The following THSD4 variants were observed in gnomAD, a reference collection of about 807,000 sequenced individuals.
THSD4 encodes the protein thrombospondin type 1 domain containing 4.
THSD4 carries 69 observed loss-of-function variants against 119.0 expected under a neutral mutation model. That is an observed-to-expected ratio of 0.58 (90% CI 0.48 to 0.71). The LOEUF (loss-of-function observed/expected upper bound fraction) is 0.71, where lower values mean the gene tolerates loss of function less well. THSD4 is among the 30% of genes least tolerant of loss of function. THSD4 has a pLI of 0.00. For synonymous variants in THSD4, 524 were observed against 540.4 expected (o/e 0.97, Z 0.42); for missense variants, 1,393 against 1,391.1 (o/e 1.00, Z -0.02).
intron 3 of THSD4, among the ~76,000 whole-genome samples, chr15:71,200,430 G>A (rs555855533): frequency 1.2e-4 from 18 of 152,172 alleles, no homozygotes; most frequent in East Asian, 1.9e-4. Context: ...TATTATGGCC[G>A]AGGACCCTGA....
chr15:71,683,932 C>G (rs1472765744), intron 8 of THSD4, among the ~76,000 whole-genome samples: 3 of 152,138 alleles, frequency 2.0e-5, no homozygotes, highest in Non-Finnish European at 2.9e-5. Context: ...CAAGATCACA[C>G]CACTGCACTC....
At chr15:71,394,145 T>C (rs1189679232) in intron 6 of THSD4, among the ~76,000 whole-genome samples, 1 of 151,978 alleles carries the variant, frequency 6.6e-6, no homozygotes, top group Admixed American at 6.6e-5. Flanking sequence ...ATCTGAGATA[T>C]TTAACTGAGC....
chr15:71,217,943 C>G (rs1011372946), intron 4 of THSD4, among the ~76,000 whole-genome samples: 1 of 151,908 alleles, frequency 6.6e-6, no homozygotes, highest in Admixed American at 6.6e-5. Flanking sequence ...TGTACCACCA[C>G]GCCTAGCTAA....
chr15:71,180,393 G>T (rs974169857), intron 3 of THSD4, among the ~76,000 whole-genome samples: 9 of 152,118 alleles, frequency 5.9e-5, no homozygotes, highest in Admixed American at 3.3e-4. Flanking sequence ...CACATTAAAA[G>T]ATGCTCAATG....
At chr15:71,378,677 C>T (rs2046183896) in intron 6 of THSD4, among the ~76,000 whole-genome samples, 1 of 152,164 alleles carries the variant, frequency 6.6e-6, no homozygotes, top group Non-Finnish European at 1.5e-5. Flanking sequence ...AAATATTAGC[C>T]ATAATTAAAG....
chr15:71,174,216 C>T (rs2043416671), intron 3 of THSD4, among the ~76,000 whole-genome samples: 1 of 152,164 alleles, frequency 6.6e-6, no homozygotes, highest in Non-Finnish European at 1.5e-5. Context: ...CGGGTGATTT[C>T]TGCATTTCCA....
At chr15:71,222,480 GC>G (rs917217252) in intron 4 of THSD4, among the ~76,000 whole-genome samples, 14 of 152,172 alleles carry the variant, frequency 9.2e-5, no homozygotes, top group African/African-American at 3.4e-4. Context: ...ATGAATTTGA[GC>G]CAAGCAGTGC....
chr15:71,341,073 G>T, intron 6 of THSD4: 1 of 976,638 alleles, frequency 1.0e-6, no homozygotes, highest in Non-Finnish European at 1.6e-6. Context: ...TTGTTGCCTT[G>T]CCTTTTCTTT....
intron 6 of THSD4, among the ~76,000 whole-genome samples, chr15:71,320,556 C>T (rs537141887): frequency 3.3e-5 from 5 of 152,228 alleles, no homozygotes; most frequent in African/African-American, 4.8e-5. Context: ...ACATAGCCCA[C>T]GTTAGATTGG....
chr15:71,774,310 C>CAA (rs11448201), intron 17 of THSD4, among the ~76,000 whole-genome samples: 3,742 of 73,722 alleles, frequency 0.051, 101 homozygotes, highest in Admixed American at 0.092. Context: ...GACTCTGTCT[C>CAA]AAAAAAAAAA....
intron 7 of THSD4, among the ~76,000 whole-genome samples, chr15:71,534,500 C>T (rs1289346726): frequency 2.0e-5 from 3 of 152,132 alleles, no homozygotes; most frequent in Non-Finnish European, 4.4e-5. Context: ...TGGTCATTCC[C>T]ATTTTTATCA....
chr15:71,535,726 A>C (rs2048680984), intron 7 of THSD4, among the ~76,000 whole-genome samples: 2 of 152,132 alleles, frequency 1.3e-5, no homozygotes, highest in Non-Finnish European at 2.9e-5. Context: ...GACCATTTGT[A>C]TGTTTTTTCC....
chr15:71,231,498 G>C (rs2044061289), intron 4 of THSD4, among the ~76,000 whole-genome samples: 1 of 152,124 alleles, frequency 6.6e-6, no homozygotes, highest in South Asian at 2.1e-4. Context: ...CTTGACTTCT[G>C]GAAGAGCTCC....
chr15:71,714,675 T>C (rs2052573500), intron 8 of THSD4, among the ~76,000 whole-genome samples: 1 of 152,012 alleles, frequency 6.6e-6, no homozygotes, highest in South Asian at 2.1e-4. Flanking sequence ...GGTGAAACCC[T>C]GTCTCTCCTA....
At chr15:71,388,903 A>G (rs538726392) in intron 6 of THSD4, among the ~76,000 whole-genome samples, 1 of 152,230 alleles carries the variant, frequency 6.6e-6, no homozygotes, top group African/African-American at 2.4e-5. Context: ...GGTGGGAGAT[A>G]ATTGAGTCAT....
At chr15:71,633,834 A>G (rs1237593433) in intron 7 of THSD4, among the ~76,000 whole-genome samples, 46 of 152,200 alleles carry the variant, frequency 3.0e-4, no homozygotes, top group Non-Finnish European at 1.5e-5. Flanking sequence ...TCCACTGCTT[A>G]CCAGACTCCC....
rs114019104 is a variant in THSD4 at position 71,736,372 on chromosome 15, T to G, written c.1631-1360T>G. On this transcript the variant is annotated intron_variant, in intron 10 of 17. Transcript: ENST00000261862. ...CTGTCTTGCTCTCTTGCTCTCTGTT[T>G]CTGTCTCTCTCGCACTCTGTCTCTC... is the stretch of plus-strand genomic sequence containing the variant. Among the ~76,000 whole-genome samples the G allele has an allele frequency of 8.8e-3, 1,345 of 152,002 alleles. 27 individuals carry two copies. Among genetic ancestry groups the G allele is most frequent in the African/African-American group, 0.031 (1,286 of 41,436 alleles).
intron 8 of THSD4, among the ~76,000 whole-genome samples, chr15:71,675,530 C>A (rs1266812898): frequency 6.6e-6 from 1 of 152,168 alleles, no homozygotes; most frequent in Non-Finnish European, 1.5e-5. Context: ...TCCTGAGGCC[C>A]ATGCATGGTG....
At chr15:71,672,073 G>A (rs140397073) in intron 8 of THSD4, among the ~76,000 whole-genome samples, 1,538 of 152,254 alleles carry the variant, frequency 0.01, 33 homozygotes, top group African/African-American at 0.034. Context: ...AATTACCTTG[G>A]GCAGTATGGC....
Sources: gnomAD v4.1 joint callset for allele counts (sites outside exome capture counted in the v4.1 genomes callset) on GRCh38, gnomAD v4.1.1 for gene constraint, MANE v1.5 for transcripts, NCBI Gene and HGNC (gene_info 2026-07-23, HGNC 2026-07-21) for gene names.